Variants in NHSL1 observed in about 807,000 individuals in gnomAD.
NHSL1 encodes NHS-like protein 1.
A neutral mutation model predicts 95.0 loss-of-function variants in NHSL1; 48 were observed. That is an observed-to-expected ratio of 0.51 (90% CI 0.40 to 0.64). NHSL1 has a LOEUF of 0.64. Among genes scored for constraint, NHSL1 ranks in the 30% least tolerant of loss-of-function variants. The probability of loss-of-function intolerance (pLI) is 0.00; values close to 1 mark genes in which losing one functional copy is unlikely to be tolerated. For synonymous variants in NHSL1, 783 were observed against 833.9 expected, an observed-to-expected ratio of 0.94 and a Z score of 1.05; for missense variants, 1,971 against 2,077.7, an observed-to-expected ratio of 0.95 and a Z score of 1.00.
chr6:138,507,456 A>G (rs1181478501), intron 1 of NHSL1, among the ~76,000 whole-genome samples: 3 of 152,328 alleles, frequency 2.0e-5, no homozygotes, highest in South Asian at 2.1e-4. Context: ...ACATCACAAC[A>G]TGATTCTGGA....
chr6:138,429,128 C>T (rs1441006624), intron 7 of NHSL1, among the ~76,000 whole-genome samples: 1 of 152,046 alleles, frequency 6.6e-6, no homozygotes, highest in Non-Finnish European at 1.5e-5. Flanking sequence ...TTTTTAAACC[C>T]AACGATTTCT....
intron 1 of NHSL1, among the ~76,000 whole-genome samples, chr6:138,672,971 C>T (rs958096469): frequency 1.1e-4 from 16 of 151,986 alleles, no homozygotes; most frequent in Admixed American, 7.2e-4. Context: ...GAGCCGAGAT[C>T]GCACCACTGC....
At chr6:138,469,046 G>T (rs1475828325) in intron 3 of NHSL1, among the ~76,000 whole-genome samples, 1 of 152,152 alleles carries the variant, frequency 6.6e-6, no homozygotes, top group African/African-American at 2.4e-5. Flanking sequence ...TTACAGAGGG[G>T]TGAGGAGTGT....
At chr6:138,590,587 C>G (rs7770857) in intron 1 of NHSL1, among the ~76,000 whole-genome samples, 4,933 of 152,256 alleles carry the variant, frequency 0.032, 244 homozygotes, top group African/African-American at 0.11. Context: ...CCAAGCTCCT[C>G]TGCCTTCCAT....
At chr6:138,557,750 T>G (rs1386913986) in intron 1 of NHSL1, among the ~76,000 whole-genome samples, 1 of 152,186 alleles carries the variant, frequency 6.6e-6, no homozygotes, top group Non-Finnish European at 1.5e-5. Context: ...AAATCCAGTC[T>G]ATACCAATTA....
intron 5 of NHSL1, among the ~76,000 whole-genome samples, chr6:138,441,680 A>C (rs1039151550): frequency 2.0e-5 from 3 of 152,238 alleles, no homozygotes; most frequent in African/African-American, 7.2e-5. Flanking sequence ...AATTGTGGGA[A>C]TAGCCAATGT....
intron 2 of NHSL1, among the ~76,000 whole-genome samples, chr6:138,491,264 A>C (rs542593173): frequency 6.6e-6 from 1 of 152,324 alleles, no homozygotes; most frequent in Middle Eastern, 3.4e-3. Flanking sequence ...GACAGTAACT[A>C]AAGTGCCTGT....
intron 1 of NHSL1, among the ~76,000 whole-genome samples, chr6:138,507,158 C>A (rs1231733432): frequency 1.3e-5 from 2 of 152,212 alleles, no homozygotes; most frequent in African/African-American, 4.8e-5. Context: ...GGCCAGGCAT[C>A]TCCCTAATCC....
chr6:138,622,378 C>A (rs1399685347), intron 1 of NHSL1, among the ~76,000 whole-genome samples: 1 of 152,044 alleles, frequency 6.6e-6, no homozygotes, highest in African/African-American at 2.4e-5. Flanking sequence ...GCCGCATGCG[C>A]CTGTAGTCCC....
At chr6:138,596,621 A>G (rs1383391993) in intron 1 of NHSL1, among the ~76,000 whole-genome samples, 1 of 152,192 alleles carries the variant, frequency 6.6e-6, no homozygotes, top group East Asian at 1.9e-4. Context: ...AAGGTAGCCA[A>G]GGTTCTTGAA....
At chr6:138,533,742 T>C (rs1782229858) in intron 1 of NHSL1, among the ~76,000 whole-genome samples, 2 of 152,178 alleles carry the variant, frequency 1.3e-5, no homozygotes, top group South Asian at 4.2e-4. Context: ...GGGTGTGTTT[T>C]TCCTTGGTGA....
intron 1 of NHSL1, among the ~76,000 whole-genome samples, chr6:138,507,931 T>C (rs1781040804): frequency 6.6e-6 from 1 of 152,232 alleles, no homozygotes; most frequent in African/African-American, 2.4e-5. Flanking sequence ...TAGAAGAAAC[T>C]TGATCTGGCA....
At chr6:138,558,479 A>G (rs978838203) in intron 1 of NHSL1, among the ~76,000 whole-genome samples, 1 of 141,382 alleles carries the variant, frequency 7.1e-6, no homozygotes, top group African/African-American at 2.7e-5. Context: ...GCTGGAGTGC[A>G]GTGGCACAAT....
intron 1 of NHSL1, among the ~76,000 whole-genome samples, chr6:138,659,982 C>T (rs1785206655): frequency 6.6e-6 from 1 of 152,186 alleles, no homozygotes; most frequent in African/African-American, 2.4e-5. Context: ...TCCCAACATA[C>T]TGGGATTACA....
upstream of NHSL1, among the ~76,000 whole-genome samples, chr6:138,499,983 G>A (rs1019286766): frequency 5.9e-5 from 9 of 152,012 alleles, no homozygotes; most frequent in Non-Finnish European, 1.0e-4. Context: ...TGCAAATTAG[G>A]ATGCTCTGTC....
chr6:138,606,636 G>A (rs754598801), intron 1 of NHSL1, among the ~76,000 whole-genome samples: 1 of 151,124 alleles, frequency 6.6e-6, no homozygotes, highest in Non-Finnish European at 1.5e-5. Context: ...TTGCCTCCGT[G>A]CTTTTTGTGA....
At chr6:138,646,878 A>C (rs963776544) in intron 1 of NHSL1, among the ~76,000 whole-genome samples, 2 of 152,244 alleles carry the variant, frequency 1.3e-5, no homozygotes, top group African/African-American at 4.8e-5. Context: ...GTGTATTCAA[A>C]TAAGAACTGT....
At chr6:138,484,352 G>A (rs547977687) in intron 2 of NHSL1, among the ~76,000 whole-genome samples, 1 of 151,720 alleles carries the variant, frequency 6.6e-6, no homozygotes, top group Non-Finnish European at 1.5e-5. Flanking sequence ...AGGGGAGGGG[G>A]TAAAAAAAAG....
At chr6:138,578,677 T>A (rs1378838400) in intron 1 of NHSL1, among the ~76,000 whole-genome samples, 1 of 152,220 alleles carries the variant, frequency 6.6e-6, no homozygotes, top group Non-Finnish European at 1.5e-5. Flanking sequence ...TTATTTTTTT[T>A]AATCTACTCA....
Sources: allele counts gnomAD v4.1 joint callset (sites outside exome capture counted in the v4.1 genomes callset), GRCh38; gene constraint gnomAD v4.1.1; transcripts MANE v1.5; gene names NCBI Gene and HGNC (gene_info 2026-07-23, HGNC 2026-07-21).